The following CPLX1 variants were observed in gnomAD, a reference collection of about 807,000 sequenced individuals.
CPLX1 encodes complexin-1.
Under a neutral mutation model 15.6 loss-of-function variants are expected in CPLX1, and 6 were observed. The observed-to-expected ratio is 0.39, with a 90% CI of 0.21 to 0.76. CPLX1 has a LOEUF of 0.76. Ranked by LOEUF, CPLX1 falls within the 30% of genes least tolerant of loss-of-function variation. The pLI, the probability that CPLX1 is intolerant of heterozygous loss-of-function variation, is 0.43. For synonymous variants in CPLX1, 91 were observed against 75.2 expected, an observed-to-expected ratio of 1.21 and a Z score of -1.08; for missense variants, 242 against 188.6, an observed-to-expected ratio of 1.28 and a Z score of -1.66.
intron 2 of CPLX1, among the ~76,000 whole-genome samples, chr4:795,434 C>T (rs905017447): frequency 1.3e-5 from 2 of 152,212 alleles, no homozygotes; most frequent in African/African-American, 4.8e-5. Context: ...CCCACCCCCG[C>T]CCCCGTTTCC....
At chr4:809,311 G>A (rs775168616) in intron 2 of CPLX1, among the ~76,000 whole-genome samples, 5 of 152,200 alleles carry the variant, frequency 3.3e-5, no homozygotes, top group Non-Finnish European at 5.9e-5. Context: ...AGGAGTGCAC[G>A]GGGTGGGGCC....
At chr4:814,831 C>T (rs1746721334) in intron 2 of CPLX1, among the ~76,000 whole-genome samples, 1 of 152,290 alleles carries the variant, frequency 6.6e-6, no homozygotes, top group South Asian at 2.1e-4. Flanking sequence ...GTGAGGGGCC[C>T]CGGCCATGGG....
chr4:803,620 C>T (rs955771236), intron 2 of CPLX1, among the ~76,000 whole-genome samples: 2 of 151,850 alleles, frequency 1.3e-5, no homozygotes, highest in Non-Finnish European at 2.9e-5. Context: ...CTCCTGACCT[C>T]GTGATCTGCC....
chr4:804,882 T>C, intron 2 of CPLX1: 2 of 985,208 alleles, frequency 2.0e-6, no homozygotes, highest in African/African-American at 1.7e-5. Flanking sequence ...GCGGCAGCCA[T>C]TTTGGAACGC....
chr4:808,296 T>C (rs558643110), intron 2 of CPLX1, among the ~76,000 whole-genome samples: 2 of 152,074 alleles, frequency 1.3e-5, no homozygotes, highest in South Asian at 4.2e-4. Flanking sequence ...CCCTTGTAAA[T>C]GTAACATCTC....
intron 3 of CPLX1, among the ~76,000 whole-genome samples, chr4:790,812 C>G (rs1746146079): frequency 6.6e-6 from 1 of 152,162 alleles, no homozygotes; most frequent in Non-Finnish European, 1.5e-5. Context: ...TCAGCTCTCT[C>G]TAGCTCTGCC....
intron 2 of CPLX1, among the ~76,000 whole-genome samples, chr4:813,903 G>A (rs192175957): frequency 1.1e-4 from 17 of 152,312 alleles, no homozygotes; most frequent in Admixed American, 9.8e-4. Flanking sequence ...TTCCTGACTC[G>A]CTGAAACATA....
chr4:822,469 T>C (rs779177098), intron 2 of CPLX1, among the ~76,000 whole-genome samples: 15 of 152,300 alleles, frequency 9.8e-5, no homozygotes, highest in South Asian at 4.1e-4. Context: ...TTTTCACCTG[T>C]CTGTCCCTGT....
chr4:812,474 T>C (rs1746681586), intron 2 of CPLX1, among the ~76,000 whole-genome samples: 1 of 152,134 alleles, frequency 6.6e-6, no homozygotes, highest in African/African-American at 2.4e-5. Context: ...AATGAGAGTG[T>C]TCCCAACAGA....
intron 2 of CPLX1, among the ~76,000 whole-genome samples, chr4:794,929 C>G (rs1292589849): frequency 6.6e-6 from 1 of 152,344 alleles, no homozygotes; most frequent in Middle Eastern, 3.4e-3. Context: ...GCGCTCTGCT[C>G]CAGGGGTGCC....
intron 2 of CPLX1, among the ~76,000 whole-genome samples, chr4:810,111 A>G (rs555303499): frequency 2.7e-4 from 38 of 142,742 alleles, no homozygotes; most frequent in South Asian, 4.4e-4. Flanking sequence ...GTGCAGTGGC[A>G]TGATCTCAGC....
In CPLX1 at chr4:825,293, G is replaced by A. The variant is rs888624983; in HGVS notation, c.-79-692C>T. Among the ~76,000 whole-genome samples the A allele has an allele frequency of 1.3e-4, 20 of 152,328 alleles. No homozygotes were observed. In the South Asian group the frequency reaches 1.4e-3, roughly 11 times the overall value. Reference sequence around the variant, plus strand: ...TCACAGCAGCCGCAGTGAGCCCCCCGGTTTTGCGGGGTCTCTCCTATCGGG... The same window carrying A: ...TCACAGCAGCCGCAGTGAGCCCCCCAGTTTTGCGGGGTCTCTCCTATCGGG... On this transcript the variant is annotated intron_variant, in intron 1 of 3. Transcript: ENST00000304062.
chr4:799,157 C>T lies in CPLX1; in HGVS notation c.32-6549G>A, dbSNP rs375939877. Among the ~76,000 whole-genome samples the T allele has an allele frequency of 7.3e-4, 111 of 152,354 alleles. No individual in the cohort carries two copies. In the South Asian group the frequency reaches 0.023, roughly 31 times the overall value. ...CAGGACTCAAATCTTCCCCTGACTT[C>T]CTGTTGGTGAGTCATAAGCCCTCAT... On this transcript the variant is annotated intron_variant, in intron 2 of 3. Coordinates refer to ENST00000304062, the MANE Select transcript of CPLX1 (RefSeq NM_006651.4).
chr4:821,562 G>T (rs532957839), intron 2 of CPLX1, among the ~76,000 whole-genome samples: 5 of 152,206 alleles, frequency 3.3e-5, no homozygotes, highest in African/African-American at 9.7e-5. Flanking sequence ...GCACCCACAC[G>T]TGCCACGTTC....
chr4:792,901 A>G (rs573985709), intron 2 of CPLX1, among the ~76,000 whole-genome samples: 1 of 152,112 alleles, frequency 6.6e-6, no homozygotes, highest in East Asian at 1.9e-4. Flanking sequence ...GCGCGTCTGT[A>G]TGCACCTGTG....
chr4:792,816 G>T, intron 2 of CPLX1: 1 of 554,876 alleles, frequency 1.8e-6, no homozygotes, highest in Admixed American at 3.4e-5. Context: ...AGTGTGCTGG[G>T]GTCTCCTGCT....
intron 2 of CPLX1, among the ~76,000 whole-genome samples, chr4:800,136 A>G (rs1251459384): frequency 5.3e-5 from 8 of 152,140 alleles, no homozygotes; most frequent in Admixed American, 5.2e-4. Flanking sequence ...GCTGTTGTCC[A>G]CTGCCGGACT....
chr4:814,570 C>T (rs566519408), intron 2 of CPLX1, among the ~76,000 whole-genome samples: 3 of 152,354 alleles, frequency 2.0e-5, no homozygotes, highest in East Asian at 3.9e-4. Context: ...ATGGCCCCCG[C>T]GACTCACAGC....
intron 2 of CPLX1, 77 bp from the exon 3 acceptor site, chr4:792,685 C>A: frequency 6.7e-7 from 1 of 1,481,832 alleles, no homozygotes; most frequent in Non-Finnish European, 9.1e-7. Flanking sequence ...CACACTCCCC[C>A]ACCTTCTGGC....
Sources: gnomAD v4.1 joint callset for allele counts (sites outside exome capture counted in the v4.1 genomes callset) on GRCh38, gnomAD v4.1.1 for gene constraint, MANE v1.5 for transcripts, NCBI Gene and HGNC (gene_info 2026-07-23, HGNC 2026-07-21) for gene names.